The following ZNF335 variants were observed in gnomAD, a reference collection of about 807,000 sequenced individuals.
The protein encoded by ZNF335 is NRC-interacting factor 1.
A neutral mutation model predicts 145.6 loss-of-function variants in ZNF335; 84 were observed. The ratio of observed to expected loss-of-function variants is 0.58; its 90% confidence interval spans 0.48 to 0.69. ZNF335 has a LOEUF of 0.69. ZNF335 is among the 30% of genes least tolerant of loss of function. The probability of loss-of-function intolerance (pLI) is 0.00; values close to 1 mark genes in which losing one functional copy is unlikely to be tolerated. For missense variants in ZNF335, 1,865 were observed against 1,809.7 expected (o/e 1.03, Z -0.55); for synonymous variants, 761 against 717.0 (o/e 1.06, Z -0.98).
At chr20:45,949,732 C>T (rs2145352539) in intron 24 of ZNF335, 68 bp downstream of exon 24, 1 of 1,576,716 alleles carries the variant, frequency 6.3e-7, no homozygotes, top group Non-Finnish European at 8.7e-7. Context: ...TATCATTCCT[C>T]CCCAAGGTAG....
chr20:45,957,678 C>T lies in ZNF335; in HGVS notation c.2350G>A (p.Ala784Thr). 13 of 1,614,138 alleles carry T rather than the reference C, an allele frequency of 8.1e-6. No homozygotes were observed. The highest frequency in any genetic ancestry group is 1.1e-5 in the Non-Finnish European group (13 of 1,180,002). ...GGATIIYQQGAEESTAMATQT... is the reference protein window; with the variant it reads ...GGATIIYQQGTEESTAMATQT... Reference sequence around the variant, plus strand: ...GTGGCCATCGCTGTCGACTCCTCAGCTCCTGGGTGGGGTGGGACCTAAGCC... The same window carrying T: ...GTGGCCATCGCTGTCGACTCCTCAGTTCCTGGGTGGGGTGGGACCTAAGCC... The change falls in exon 17 of 28, where the codon GCT (alanine) becomes ACT (threonine). Residue 784 changes from alanine (A) to threonine (T), a missense_variant and splice_region_variant. Ala to Thr is a moderately conservative substitution (Grantham distance 58). Coordinates refer to ENST00000322927, the MANE Select transcript of ZNF335 (RefSeq NM_022095.4).
intron 18 of ZNF335, among the ~76,000 whole-genome samples, chr20:45,953,242 G>A (rs2083666655): frequency 6.6e-6 from 1 of 152,216 alleles, no homozygotes; most frequent in East Asian, 1.9e-4. Context: ...CTGTAGGGAA[G>A]CCAAGTACAG....
At position 45,965,633 on chromosome 20, in the gene ZNF335, G is replaced by A. The variant is rs1267388257; in HGVS notation, c.1097C>T (p.Pro366Leu). 1 of 1,597,320 alleles carries A rather than the reference G, an allele frequency of 6.3e-7. No individual in the cohort carries two copies. Among genetic ancestry groups the A allele is most frequent in the Admixed American group, 1.7e-5 (1 of 57,984 alleles). Residue 366 changes from proline to leucine, a missense_variant, in exon 7 of 28, where the codon CCA becomes CTA. By Grantham distance (98) the Pro-to-Leu change is moderately conservative. Transcript: ENST00000322927. ...CTCCCAAGACCAAGCCTCACCATCTGGGAGGTCTGAGATCTCCAGGCGGGG... is the reference window on the plus strand; with the variant it reads ...CTCCCAAGACCAAGCCTCACCATCTAGGAGGTCTGAGATCTCCAGGCGGGG... ...KLPRLEISDL[P>L]DGVEGEPLVS...
At position 45,969,467 on chromosome 20, in the gene ZNF335, C is replaced by T. The variant is rs2084017207; in HGVS notation, c.426G>A (p.Gly142=). ...CTGACTCACTCTGGATGAGGTCGGG[C>T]CCGATGGTGGACTCGATGATCTTGT... ...AIDKIIESTI[G]PDLIQNCITV... Residue 142 remains glycine, a synonymous_variant, in exon 3 of 28, where the codon GGG becomes GGA. Transcript: ENST00000322927. 2.6e-6 allele frequency: 4 copies of T among 1,548,506 alleles called. No individual in the cohort carries two copies. Among genetic ancestry groups the T allele is most frequent in the Admixed American group, 1.8e-5 (1 of 56,790 alleles).
chr20:45,949,009 G>A lies in ZNF335; in HGVS notation c.3973C>T (p.Gln1325Ter). 1 of 1,613,984 alleles carries A rather than the reference G, an allele frequency of 6.2e-7. No individual in the cohort carries two copies. Among genetic ancestry groups the A allele is most frequent in the Non-Finnish European group, 8.5e-7 (1 of 1,180,034 alleles). The change falls in exon 28 of 28, where the codon CAA (glutamine) becomes TAA (stop). Residue 1325 changes from glutamine to a stop codon, truncating the protein, a stop_gained. Transcript: ENST00000322927. LOFTEE classifies it high-confidence loss of function. ...GTDETVPEHI[Q>*]QLQHQGIEYD... ...TCGATGCCCTGGTGCTGCAGCTGTTGAATGTGTTCGGGCACTGTCTCGTCT... is the reference window on the plus strand; with the variant it reads ...TCGATGCCCTGGTGCTGCAGCTGTTAAATGTGTTCGGGCACTGTCTCGTCT...
At chr20:45,966,547 CTTTCT>C (rs922013666) in intron 6 of ZNF335, among the ~76,000 whole-genome samples, 1 of 140,700 alleles carries the variant, frequency 7.1e-6, no homozygotes, top group African/African-American at 2.8e-5. Flanking sequence ...GTTTCTTTTT[CTTTCT>C]TTTTTTTTTT....
chr20:45,971,730 C>G, intron 1 of ZNF335: 13 of 985,486 alleles, frequency 1.3e-5, no homozygotes, highest in Non-Finnish European at 1.6e-5. Context: ...GTGGAGCGTT[C>G]CGCTCTGTGA....
intron 7 of ZNF335, chr20:45,964,611 T>A (rs2083914951): frequency 6.6e-6 from 1 of 152,284 alleles, no homozygotes; most frequent in Admixed American, 6.5e-5. Flanking sequence ...GTTCTGCTTC[T>A]TGACTGGGTT....
chr20:45,959,193 G>C lies in ZNF335; in HGVS notation c.2253+8C>G. 2.9e-6 allele frequency: 4 copies of C among 1,363,438 alleles called. No individual in the cohort carries two copies. Among genetic ancestry groups the C allele is most frequent in the Non-Finnish European group, 3.8e-6 (4 of 1,044,880 alleles). 84.5% of individuals were successfully genotyped at this position (1,363,438 alleles called of 1,614,324 possible). On this transcript the variant is annotated splice_region_variant and intron_variant, in intron 15 of 27. Transcript: ENST00000322927. ...ACTCTGTCATCCTGACCCATGCCCC[G>C]ACCTTACCTCAGGAGGTCCTGGGGA... is the stretch of plus-strand genomic sequence containing the variant.
At position 45,952,533 on chromosome 20, in the gene ZNF335, C is replaced by T. The variant is rs908144919; in HGVS notation, c.2815-12G>A. 1 of 1,599,178 alleles carries T rather than the reference C, an allele frequency of 6.3e-7. No individual in the cohort carries two copies. Among genetic ancestry groups the T allele is most frequent in the African/African-American group, 1.3e-5 (1 of 74,726 alleles). On this transcript the variant is annotated splice_polypyrimidine_tract_variant and intron_variant, in intron 19 of 27. Coordinates refer to ENST00000322927, the MANE Select transcript of ZNF335 (RefSeq NM_022095.4). ...CCATCTGCGGTGAGCTGTAGAGAGA[C>T]AGGGAGCATGAGGTACTGAGAAGGG...
At chr20:45,959,519 T>C in intron 14 of ZNF335, 86 bp from the exon 15 acceptor site, 1 of 1,013,216 alleles carries the variant, frequency 9.9e-7, no homozygotes, top group Non-Finnish European at 1.3e-6. Context: ...TAAGGATCTC[T>C]CCAACTGACT....
chr20:45,950,618 G>A (rs2083613713), intron 20 of ZNF335, 23 bp from the exon 21 acceptor site: 2 of 1,613,172 alleles, frequency 1.2e-6, no homozygotes, highest in African/African-American at 2.7e-5. Context: ...CAGAGTTGGG[G>A]GCATTGGCTG....
Position 45,952,389 on chromosome 20 carries a change from C to G in ZNF335, c.2947G>C (p.Val983Leu). The G allele has an allele frequency of 6.2e-7, 1 of 1,600,142 alleles. No homozygotes were observed. Among genetic ancestry groups the G allele is most frequent in the South Asian group, 1.1e-5 (1 of 89,464 alleles). The change falls in exon 20 of 28, where the codon GTA (valine) becomes CTA (leucine). Residue 983 changes from valine (V) to leucine (L), a missense_variant. Val to Leu is a conservative substitution (Grantham distance 32). Coordinates refer to ENST00000322927, the MANE Select transcript of ZNF335 (RefSeq NM_022095.4). ...GAGGCAGAGCTCTGGGAGTCCCCTA[C>G]GCAGTGGGTCTTGGCTGGAGATGGG... ...EPPSPAKTHC[V>L]GDSQSSASSP...
chr20:45,963,228 C>G (rs992668568), intron 9 of ZNF335, among the ~76,000 whole-genome samples: 1 of 152,196 alleles, frequency 6.6e-6, no homozygotes, highest in Non-Finnish European at 1.5e-5. Context: ...TATGCTGCCA[C>G]TGTGCACTGT....
chr20:45,965,807 G>T, intron 6 of ZNF335, 33 bp from the exon 7 acceptor site: 1 of 1,582,490 alleles, frequency 6.3e-7, no homozygotes, highest in South Asian at 1.1e-5. Context: ...TGAACAGTGA[G>T]TGGCGGGACC....
chr20:45,949,374 T>C lies in ZNF335; in HGVS notation c.3778A>G (p.Ile1260Val), dbSNP rs1465084043. The change falls in exon 26 of 28, where the codon ATC becomes GTC. Residue 1260 changes from isoleucine to valine, a missense_variant. By Grantham distance (29) the Ile-to-Val change is conservative (BLOSUM62 3). Transcript: ENST00000322927. ...IQVQEGQITH[I>V]QYEQGAPFLQ... is the part of the protein sequence containing the mutation. The stretch of plus-strand genomic sequence containing the variant: ...AACGGGGCTCCTTGTTCATACTGGA[T>C]GTGTGTGATCTGGCCCTCCTGTACC... The C allele has an allele frequency of 1.2e-6, 2 of 1,614,102 alleles. No homozygotes were observed. The highest frequency in any genetic ancestry group is 1.7e-6 in the Non-Finnish European group (2 of 1,180,016).
rs146821427 is a variant in ZNF335, at chr20:45,950,514, G to A, written c.3271C>T (p.Arg1091Cys). The A allele has an allele frequency of 3.0e-5, 49 of 1,614,222 alleles. No individual in the cohort carries two copies. Among genetic ancestry groups the A allele is most frequent in the Admixed American group, 6.7e-5 (4 of 60,024 alleles). ...SFASKNKKDL[R>C]RHMLTHTKEK... ...TTTGTGTGAGTCAGCATGTGCCGAC[G>A]CAGGTCCTTCTTGTTCTTGGAGGCA... Residue 1091 changes from arginine to cysteine, a missense_variant, in exon 21 of 28, where the codon CGT becomes TGT. Physicochemically the swap from Arg to Cys is radical, Grantham distance 180 (BLOSUM62 -3). Coordinates refer to ENST00000322927, the MANE Select transcript of ZNF335 (RefSeq NM_022095.4).
chr20:45,949,138 A>T, intron 27 of ZNF335, 32 bp downstream of exon 27: 1 of 1,613,526 alleles, frequency 6.2e-7, no homozygotes, highest in South Asian at 1.1e-5. Context: ...GTCCATACCC[A>T]GCCCCATGCT....
rs767021677 is a variant in ZNF335 at position 45,968,314 on chromosome 20, C to T, written c.491G>A (p.Arg164Gln). 2.9e-5 allele frequency: 46 copies of T among 1,613,328 alleles called. No individual in the cohort carries two copies. The highest frequency in any genetic ancestry group is 3.3e-5 in the Admixed American group (2 of 59,980). The change falls in exon 4 of 28, where the codon CGG becomes CAG. Residue 164 changes from arginine to glutamine, a missense_variant. Physicochemically the swap from Arg to Gln is conservative, Grantham distance 43. Coordinates refer to ENST00000322927, the MANE Select transcript of ZNF335 (RefSeq NM_022095.4). ...ATCTGGGCCCTGTAGGATCAGGTAC[C>T]GTGTGGTCTCGGCCCCGCCATCCTC... is the stretch of plus-strand genomic sequence containing the variant. ...SAEDGGAETT[R>Q]YLILQGPDDG... is the part of the protein sequence containing the mutation.
Sources: allele counts gnomAD v4.1 joint callset (sites outside exome capture counted in the v4.1 genomes callset), GRCh38; gene constraint gnomAD v4.1.1; transcripts MANE v1.5; gene names NCBI Gene and HGNC (gene_info 2026-07-23, HGNC 2026-07-21).